The following VCX3A variants were observed in gnomAD, a reference collection of about 807,000 sequenced individuals.
VCX3A encodes the protein variable charge X-linked protein 3.
For synonymous variants in VCX3A, 6 were observed against 69.9 expected (o/e 0.09, Z 4.56); for missense variants, 37 against 151.4 (o/e 0.24, Z 3.97).
In VCX3A at chrX:6,534,152, TC is replaced by T; in HGVS notation, c.153del (p.Lys52ArgfsTer11). On this transcript the variant is annotated frameshift_variant, in exon 3 of 3. Coordinates refer to ENST00000381089, the MANE Select transcript of VCX3A (RefSeq NM_016379.4). LOFTEE classifies it low-confidence loss of function (END_TRUNC). ...KGKAVRRGRR[G>X]KKGAATKMAA... ...GCCATCTTTGTCGCAGCCCCTTTCT[TC>T]CCGCGTCTCCCTCTACGAACTGCTT... 5.8e-6 allele frequency: 4 copies of T among 686,544 alleles called. No individual in the cohort carries two copies. The highest frequency in any genetic ancestry group is 8.6e-6 in the Non-Finnish European group (4 of 465,720). The allele number at this position is 686,544 out of a possible 1,213,427, so 56.6% of individuals were successfully genotyped here. A position where few individuals can be genotyped will look rare whatever the true frequency, so the allele number is the denominator to read the frequency against.
At position 6,533,732 on chromosome X, in the gene VCX3A, A is replaced by T. The variant is rs1921737310; in HGVS notation, c.*13T>A. On this transcript the variant is annotated 3_prime_UTR_variant, in exon 3 of 3. Transcript: ENST00000381089. ...TAGTCGCTGCTCTCGGAGATAGGGG[A>T]GTAGCTGGCCGTCTACACACTCGGT... The T allele has an allele frequency of 3.4e-6, 4 of 1,180,861 alleles. No homozygotes were observed. Among genetic ancestry groups the T allele is most frequent in the Admixed American group, 2.2e-5 (1 of 44,543 alleles).
At position 6,534,712 on chromosome X, in the gene VCX3A, G is replaced by A. The variant is rs1921819583; in HGVS notation, c.-146-69C>T. On this transcript the variant is annotated intron_variant, in intron 1 of 2. Coordinates refer to ENST00000381089, the MANE Select transcript of VCX3A (RefSeq NM_016379.4). ...GACATGGCGGATGAAGTCGGGGGCG[G>A]GGGGGGGTGACATCTAATGAGGAAG... 1.8e-5 allele frequency: 6 copies of A among 341,448 alleles called. 1 individual carries two copies. The highest frequency in any genetic ancestry group is 2.9e-5 in the Non-Finnish European group (6 of 204,236). 28.1% of individuals were successfully genotyped at this position (341,448 alleles called of 1,213,427 possible). A position where few individuals can be genotyped will look rare whatever the true frequency, so the allele number is the denominator to read the frequency against.
At chrX:6,534,914 T>C (rs769249270) in intron 1 of VCX3A, 44 bp downstream of exon 1, 151 of 153,472 alleles carry the variant, frequency 9.8e-4, no homozygotes, top group African/African-American at 4.0e-3. Context: ...GTACATTCTG[T>C]TCCTCCACAC....
rs367616132 is a variant in VCX3A at position 6,534,849 on chromosome X, C to T, written c.-147+109G>A. ...CCCCGTGTTCAATTTTGGCAGATCA[C>T]GTGGCACGGGAGGATATTTCCCCCA... On this transcript the variant is annotated intron_variant, in intron 1 of 2. Coordinates refer to ENST00000381089, the MANE Select transcript of VCX3A (RefSeq NM_016379.4). The T allele has an allele frequency of 3.1e-4, 49 of 159,701 alleles. No individual in the cohort carries two copies. In the East Asian group the frequency reaches 3.8e-3, roughly 12 times the overall value. 13.2% of individuals were successfully genotyped at this position (159,701 alleles called of 1,213,427 possible).
rs776730035 is a variant in VCX3A, at chrX:6,533,724, G to T, written c.*21C>A. Reference sequence around the variant, plus strand: ...CCTGAACTTAGTCGCTGCTCTCGGAGATAGGGGAGTAGCTGGCCGTCTACA... The same window carrying T: ...CCTGAACTTAGTCGCTGCTCTCGGATATAGGGGAGTAGCTGGCCGTCTACA... On this transcript the variant is annotated 3_prime_UTR_variant, in exon 3 of 3. Transcript: ENST00000381089. 12 of 1,180,807 alleles carry T rather than the reference G, an allele frequency of 1.0e-5. No homozygotes were observed. The highest frequency in any genetic ancestry group is 2.2e-5 in the Admixed American group (1 of 44,540).
rs1190364641 is a variant in VCX3A, at chrX:6,534,791, G to C, written c.-146-148C>G. On this transcript the variant is annotated intron_variant, in intron 1 of 2. Transcript: ENST00000381089. ...ATTTGGGTTAGCACCCCTAAAGATA[G>C]TTCCCAAACTGACATGTCACCCCTC... 101 of 265,355 alleles carry C rather than the reference G, an allele frequency of 3.8e-4. 1 individual carries two copies. The highest frequency in any genetic ancestry group is 2.0e-3 in the Admixed American group (29 of 14,809). The allele number at this position is 265,355 out of a possible 1,213,427, so 21.9% of individuals were successfully genotyped here. A position where few individuals can be genotyped will look rare whatever the true frequency, so the allele number is the denominator to read the frequency against.
rs764768767 is a variant in VCX3A at position 6,533,865 on chromosome X, C to G, written c.441G>C (p.Glu147Asp). The G allele has an allele frequency of 8.6e-7, 1 of 1,158,419 alleles. No homozygotes were observed. The highest frequency in any genetic ancestry group is 1.2e-6 in the Non-Finnish European group (1 of 865,836). ...ESEVEEPLSQ[E>D]SQVEEPLSQE... ...GACTCAGTGGTTCCTCCACCTGGCT[C>G]TCCTGACTCAGTGGTTCTTCCACCT... The change falls in exon 3 of 3, where the codon GAG becomes GAC. Residue 147 changes from glutamate (E) to aspartate (D), a missense_variant. Physicochemically the swap from Glu to Asp is conservative, Grantham distance 45. Transcript: ENST00000381089.
At chrX:6,534,704 CGGGGGCGGGGG>C in intron 1 of VCX3A, 61 bp from the exon 2 acceptor site, 1 of 126,677 alleles carries the variant, frequency 7.9e-6, no homozygotes, top group South Asian at 1.4e-4. Flanking sequence ...CGGATGAAGT[CGGGGGCGGGGG>C]GGGGTGACAT....
rs780871903 is a variant in VCX3A at position 6,533,713 on chromosome X, C to G, written c.*32G>C. 2 of 1,185,490 alleles carry G rather than the reference C, an allele frequency of 1.7e-6. No individual in the cohort carries two copies. The highest frequency in any genetic ancestry group is 2.3e-6 in the Non-Finnish European group (2 of 879,668). On this transcript the variant is annotated 3_prime_UTR_variant, in exon 3 of 3. Transcript: ENST00000381089. ...TGGCGGCTGGGCCTGAACTTAGTCG[C>G]TGCTCTCGGAGATAGGGGAGTAGCT...
Position 6,534,018 on chromosome X carries a change from G to C in VCX3A, c.288C>G (p.Ser96Arg). The C allele has an allele frequency of 8.7e-7, 1 of 1,143,642 alleles. No individual in the cohort carries two copies. The allele number at this position is 1,143,642 out of a possible 1,213,427, so 94.2% of individuals were successfully genotyped here. The change falls in exon 3 of 3, where the codon AGC becomes AGG. Residue 96 changes from serine (S) to arginine (R), a missense_variant. Physicochemically the swap from Ser to Arg is moderately radical, Grantham distance 110. Transcript: ENST00000381089. ...QHELPPEEPV[S>R]EGTQHDPLSQ... is the part of the protein sequence containing the mutation. ...TCAGGGGGTCGTGCTGGGTCCCCTC[G>C]CTCACTGGCTCCTCCGGCGGCAGCT...
At position 6,533,752 on chromosome X, in the gene VCX3A, C is replaced by A. The variant is rs139858953; in HGVS notation, c.554G>T (p.Ser185Ile). The A allele has an allele frequency of 8.3e-7, 1 of 1,198,416 alleles. No homozygotes were observed. The highest frequency in any genetic ancestry group is 1.8e-5 in the African/African-American group (1 of 54,335). ...SQESEMEELP[S>I]V The stretch of plus-strand genomic sequence containing the variant: ...AGGGGAGTAGCTGGCCGTCTACACA[C>A]TCGGTAGTTCTTCCATCTCGCTCTC... Residue 185 changes from serine (S) to isoleucine (I), a missense_variant, in exon 3 of 3, where the codon AGT becomes ATT. Coordinates refer to ENST00000381089, the MANE Select transcript of VCX3A (RefSeq NM_016379.4).
In VCX3A at chrX:6,533,664, C is replaced by A; in HGVS notation, c.*81G>T. 1 of 1,162,870 alleles carries A rather than the reference C, an allele frequency of 8.6e-7. No individual in the cohort carries two copies. The highest frequency in any genetic ancestry group is 1.2e-6 in the Non-Finnish European group (1 of 866,913). On this transcript the variant is annotated 3_prime_UTR_variant, in exon 3 of 3. Coordinates refer to ENST00000381089, the MANE Select transcript of VCX3A (RefSeq NM_016379.4). ...TTATTATCTTCAGAATGGCAAGCACCCCGCTGGTGAGATCTCTGAGGTCTG... is the reference window on the plus strand; with the variant it reads ...TTATTATCTTCAGAATGGCAAGCACACCGCTGGTGAGATCTCTGAGGTCTG...
At chrX:6,534,780 C>A (rs1196441403) in intron 1 of VCX3A, 137 bp from the exon 2 acceptor site, 2 of 289,768 alleles carry the variant, frequency 6.9e-6, no homozygotes, top group Admixed American at 1.3e-4. Flanking sequence ...GGGTTAGCAC[C>A]CCTAAAGATA....
intron 1 of VCX3A, 22 bp from the exon 2 acceptor site, chrX:6,534,665 A>T (rs1921816294): frequency 1.4e-5 from 9 of 638,794 alleles, no homozygotes; most frequent in Non-Finnish European, 1.8e-5. Flanking sequence ...GGAAGGCCTT[A>T]TACGTCACAA....
Position 6,533,655 on chromosome X carries a change from G to T in VCX3A, c.*90C>A. ...ACATTCATTTTATTATCTTCAGAAT[G>T]GCAAGCACCCCGCTGGTGAGATCTC... On this transcript the variant is annotated 3_prime_UTR_variant, in exon 3 of 3. Transcript: ENST00000381089. The T allele has an allele frequency of 1.8e-6, 2 of 1,096,563 alleles. No homozygotes were observed. The highest frequency in any genetic ancestry group is 2.5e-6 in the Non-Finnish European group (2 of 813,332). The allele number at this position is 1,096,563 out of a possible 1,213,427, so 90.4% of individuals were successfully genotyped here. A position where few individuals can be genotyped will look rare whatever the true frequency, so the allele number is the denominator to read the frequency against.
In VCX3A at chrX:6,533,685, G is replaced by T. The variant is rs752767586; in HGVS notation, c.*60C>A. ...GCACCCCGCTGGTGAGATCTCTGAG[G>T]TCTGGCGGCTGGGCCTGAACTTAGT... is the stretch of plus-strand genomic sequence containing the variant. On this transcript the variant is annotated 3_prime_UTR_variant, in exon 3 of 3. Transcript: ENST00000381089. 7 of 1,182,926 alleles carry T rather than the reference G, an allele frequency of 5.9e-6. No homozygotes were observed. The South Asian group carries it at 7.2e-5, about 12-fold the overall frequency.
chrX:6,534,828 G>A (rs112993807), intron 1 of VCX3A, 130 bp downstream of exon 1: 294 of 193,142 alleles, frequency 1.5e-3, no homozygotes, highest in African/African-American at 8.0e-3. Flanking sequence ...TAAACTCCCC[G>A]TGTTCAATTT....
At position 6,533,794 on chromosome X, in the gene VCX3A, TCCACC is replaced by T; in HGVS notation, c.507_511del (p.Val170GlyfsTer?). On this transcript the variant is annotated frameshift_variant, in exon 3 of 3. Coordinates refer to ENST00000381089, the MANE Select transcript of VCX3A (RefSeq NM_016379.4). LOFTEE classifies it high-confidence loss of function. ...CTCGCTCTCCTGACTCAGTGGTTCC[TCCACC>T]TGGCTCTCCTGACTCAGTGGTTCCT... 1 of 1,134,049 alleles carries T rather than the reference TCCACC, an allele frequency of 8.8e-7. No homozygotes were observed. Among genetic ancestry groups the T allele is most frequent in the Non-Finnish European group, 1.2e-6 (1 of 845,674 alleles). The allele number at this position is 1,134,049 out of a possible 1,213,427, so 93.5% of individuals were successfully genotyped here. A position where few individuals can be genotyped will look rare whatever the true frequency, so the allele number is the denominator to read the frequency against.
At position 6,534,611 on chromosome X, in the gene VCX3A, G is replaced by A. The variant is rs1312174262; in HGVS notation, c.-114C>T. On this transcript the variant is annotated 5_prime_UTR_variant, in exon 2 of 3. Coordinates refer to ENST00000381089, the MANE Select transcript of VCX3A (RefSeq NM_016379.4). ...ACAATCACGCCCCTGAGCTGTGATT[G>A]GTCAACACTCCACTACCCAGCCAAT... The A allele has an allele frequency of 1.3e-4, 78 of 591,408 alleles. No individual in the cohort carries two copies. The highest frequency in any genetic ancestry group is 1.4e-4 in the Non-Finnish European group (54 of 395,515). The allele number at this position is 591,408 out of a possible 1,213,427, so 48.7% of individuals were successfully genotyped here.
Sources: allele counts gnomAD v4.1 joint callset, GRCh38; gene constraint gnomAD v4.1.1; transcripts MANE v1.5; gene names NCBI Gene and HGNC (gene_info 2026-07-23, HGNC 2026-07-21).